HDAC9: variants seen among roughly 807,000 people sequenced by gnomAD.
The protein encoded by HDAC9 is histone deacetylase 9.
HDAC9 carries 41 observed loss-of-function variants against 139.4 expected under a neutral mutation model. The observed-to-expected ratio is 0.29, with a 90% CI of 0.23 to 0.38. HDAC9 has a LOEUF of 0.38. Ranked by LOEUF, HDAC9 falls within the 10% of genes least tolerant of loss-of-function variation. The pLI is 1.00. For synonymous variants in HDAC9, 517 were observed against 476.2 expected (o/e 1.09, Z -1.12); for missense variants, 1,147 against 1,297.0 (o/e 0.88, Z 1.78).
rs184348397 is a variant in HDAC9 at position 18,270,644 on chromosome 7, C to T, written c.25+108295C>T. 7.4e-4 allele frequency among the ~76,000 whole-genome samples: 112 copies of T among 151,794 alleles called. 1 individual carries two copies. Among genetic ancestry groups the T allele is most frequent in the East Asian group, 5.8e-4 (3 of 5,168 alleles). On this transcript the variant is annotated intron_variant, in intron 2 of 12. Transcript: ENST00000417496. ...TAATATGTATGTATGTGTATACATA[C>T]GTAGTATATTATTTCTTGGTGAAAA...
intron 2 of HDAC9, among the ~76,000 whole-genome samples, chr7:18,568,734 A>T (rs1823281024): frequency 6.6e-6 from 1 of 152,222 alleles, no homozygotes; most frequent in Non-Finnish European, 1.5e-5. Context: ...TGTTTGTCAC[A>T]GGGACATCCC....
chr7:18,191,868 G>C (rs1371786545), intron 2 of HDAC9, among the ~76,000 whole-genome samples: 1 of 152,144 alleles, frequency 6.6e-6, no homozygotes, highest in Non-Finnish European at 1.5e-5. Flanking sequence ...TTAGAGTAAA[G>C]CATTTTGAAA....
At position 18,369,350 on chromosome 7, in the gene HDAC9, A is replaced by G. The variant is rs189585635; in HGVS notation, c.-42+78835A>G. On this transcript the variant is annotated intron_variant, in intron 1 of 3. Transcript: ENST00000413509. ...GAAATTAACTGTATCATTATTTTCT[A>G]TAGTGGTATTTAAAATATTGTAATA... 1.3e-3 allele frequency among the ~76,000 whole-genome samples: 202 copies of G among 152,166 alleles called. 1 individual carries two copies. The highest frequency in any genetic ancestry group is 8.1e-4 in the Non-Finnish European group (55 of 67,950).
intron 1 of HDAC9, among the ~76,000 whole-genome samples, chr7:18,426,520 T>C (rs1790131570): frequency 6.6e-6 from 1 of 152,230 alleles, no homozygotes. Context: ...TTACCATATT[T>C]AGATCATAGT....
At chr7:18,293,178 A>G (rs1797923402) in intron 1 of HDAC9, among the ~76,000 whole-genome samples, 1 of 152,152 alleles carries the variant, frequency 6.6e-6, no homozygotes, top group African/African-American at 2.4e-5. Flanking sequence ...CTTTACCTAT[A>G]AAAATATTGG....
At chr7:18,290,612 G>A (rs900016603) in intron 1 of HDAC9, 4 of 449,046 alleles carry the variant, frequency 8.9e-6, no homozygotes, top group Admixed American at 7.3e-5. Flanking sequence ...TTAATAACTT[G>A]TAGGCTGTGG....
Position 18,558,518 on chromosome 7 carries a change from ACTTGGTTCTGATAATG to A in HDAC9, c.23-26745_23-26730del, listed in dbSNP as rs1819578173. Among the ~76,000 whole-genome samples the A allele has an allele frequency of 2.0e-5, 3 of 152,152 alleles. No homozygotes were observed. The South Asian group carries it at 6.2e-4, about 31-fold the overall frequency. ...ACTCAGGTTGTGCTTAGCCTAACAT[ACTTGGTTCTGATAATG>A]CTTGGTTCTGATAATGCCAAGATGA... is the stretch of plus-strand genomic sequence containing the variant. On this transcript the variant is annotated intron_variant, in intron 2 of 25. Coordinates refer to ENST00000686413, the MANE Select transcript of HDAC9 (RefSeq NM_178425.4).
Position 18,090,352 on chromosome 7 carries a change from T to G in HDAC9, c.-97+3139T>G, listed in dbSNP as rs546125709. Among the ~76,000 whole-genome samples the G allele has an allele frequency of 1.6e-3, 244 of 152,332 alleles. 1 individual carries two copies. The highest frequency in any genetic ancestry group is 5.6e-3 in the African/African-American group (233 of 41,586). On this transcript the variant is annotated intron_variant, in intron 1 of 12. Coordinates refer to the HDAC9 transcript ENST00000417496. The stretch of plus-strand genomic sequence containing the variant: ...GCAGATCAGATTTTAAATCAGTCAA[T>G]ATAGTCATAAGGGGATGGATCATAC...
chr7:18,949,671 A>T (rs1563080126), intron 23 of HDAC9: 1 of 154,784 alleles, frequency 6.5e-6, no homozygotes. Context: ...TCCACATTAA[A>T]GTGATAATAT....
intron 1 of HDAC9, among the ~76,000 whole-genome samples, chr7:18,388,678 T>C (rs534619156): frequency 1.3e-5 from 2 of 152,300 alleles, no homozygotes; most frequent in Middle Eastern, 3.4e-3. Flanking sequence ...TGCTTCTTTC[T>C]CTACTCAGTG....
chr7:18,458,964 G>A lies in HDAC9; in HGVS notation c.-41-37298G>A, dbSNP rs543086779. The A allele has an allele frequency of 2.7e-5, 32 of 1,196,082 alleles. No homozygotes were observed. In the East Asian group the frequency reaches 5.1e-4, roughly 19 times the overall value. The allele number at this position is 1,196,082 out of a possible 1,614,324, so 74.1% of individuals were successfully genotyped here. A position where few individuals can be genotyped will look rare whatever the true frequency, so the allele number is the denominator to read the frequency against. ...GGAGTAGAGCTGAACATGAGTGGGT[G>A]ACTTCCTTTTCCAGGCTATTGGTCA... On this transcript the variant is annotated intron_variant, in intron 1 of 3. Coordinates refer to the HDAC9 transcript ENST00000413509.
intron 22 of HDAC9, among the ~76,000 whole-genome samples, chr7:18,903,741 T>C (rs1299677526): frequency 6.6e-6 from 1 of 152,230 alleles, no homozygotes; most frequent in African/African-American, 2.4e-5. Flanking sequence ...AAAATGAAGC[T>C]TCAATTCCAC....
At chr7:18,477,914 G>A (rs764102631) in intron 1 of HDAC9, among the ~76,000 whole-genome samples, 3 of 152,088 alleles carry the variant, frequency 2.0e-5, no homozygotes, top group South Asian at 2.1e-4. Flanking sequence ...AGCTTAAAAT[G>A]TGTTTGCCTA....
Position 18,767,086 on chromosome 7 carries a change from T to A in HDAC9, c.2165-20T>A, listed in dbSNP as rs1208266901. 2 of 1,307,194 alleles carry A rather than the reference T, an allele frequency of 1.5e-6. No individual in the cohort carries two copies. The highest frequency in any genetic ancestry group is 2.1e-6 in the Non-Finnish European group (2 of 960,042). The allele number at this position is 1,307,194 out of a possible 1,614,324, so 81.0% of individuals were successfully genotyped here. Reference sequence around the variant, plus strand: ...ATAACCTCCATTTATCTATATTTTTTATGTCTTCTTACTGTATAGGTGATG... The same window carrying A: ...ATAACCTCCATTTATCTATATTTTTAATGTCTTCTTACTGTATAGGTGATG... On this transcript the variant is annotated intron_variant, in intron 15 of 25. Transcript: ENST00000686413.
intron 13 of HDAC9, among the ~76,000 whole-genome samples, chr7:18,737,076 T>C (rs1182514639): frequency 6.6e-6 from 1 of 152,214 alleles, no homozygotes; most frequent in Admixed American, 6.5e-5. Context: ...GGATTGGTGG[T>C]GATATCCCCT....
chr7:18,433,134 AAAC>A (rs1447247828), intron 1 of HDAC9, among the ~76,000 whole-genome samples: 2 of 152,150 alleles, frequency 1.3e-5, no homozygotes, highest in Non-Finnish European at 2.9e-5. Flanking sequence ...ACATAACTAA[AAAC>A]AAAAGCCACA....
intron 2 of HDAC9, among the ~76,000 whole-genome samples, chr7:18,560,407 G>A (rs752333456): frequency 2.0e-5 from 3 of 152,094 alleles, no homozygotes; most frequent in Non-Finnish European, 4.4e-5. Flanking sequence ...TTGTGATGTC[G>A]TATTAGTTTC....
chr7:18,967,729 T>A (rs1563093174), intron 24 of HDAC9, among the ~76,000 whole-genome samples: 1 of 152,212 alleles, frequency 6.6e-6, no homozygotes. Context: ...TTAATAACTC[T>A]TAAAAACCTA....
chr7:18,504,394 C>G (rs1277485788), intron 2 of HDAC9, among the ~76,000 whole-genome samples: 1 of 152,154 alleles, frequency 6.6e-6, no homozygotes, highest in African/African-American at 2.4e-5. Context: ...CAACCTCCAC[C>G]TTCTGGTTCA....
Sources: gnomAD v4.1 joint callset for allele counts (sites outside exome capture counted in the v4.1 genomes callset) on GRCh38, gnomAD v4.1.1 for gene constraint, MANE v1.5 for transcripts, NCBI Gene and HGNC (gene_info 2026-07-23, HGNC 2026-07-21) for gene names.